NDFIP1: variants seen among roughly 807,000 people sequenced by gnomAD.
The protein encoded by NDFIP1 is Nedd4 family interacting protein 1.
NDFIP1 carries 7 observed loss-of-function variants against 28.8 expected under a neutral mutation model. That is an observed-to-expected ratio of 0.24 (90% CI 0.14 to 0.46). The LOEUF is 0.46. Among genes scored for constraint, NDFIP1 ranks in the 20% least tolerant of loss-of-function variants. The probability of loss-of-function intolerance (pLI) is 0.99; values close to 1 mark genes in which losing one functional copy is unlikely to be tolerated. For missense variants in NDFIP1, 194 were observed against 269.1 expected (o/e 0.72, Z 1.95); for synonymous variants, 92 against 101.0 (o/e 0.91, Z 0.53).
intron 6 of NDFIP1, among the ~76,000 whole-genome samples, chr5:142,141,390 A>T (rs1028210388): frequency 2.0e-5 from 3 of 151,534 alleles, no homozygotes; most frequent in Admixed American, 2.0e-4. Flanking sequence ...GTTGGCCAGG[A>T]TGGTCTCGAT....
chr5:142,132,040 C>A, intron 2 of NDFIP1, 145 bp downstream of exon 2: 1 of 1,046,410 alleles, frequency 9.6e-7, no homozygotes. Flanking sequence ...GAAGTGGATA[C>A]ATTTAAAAAT....
At chr5:142,140,663 A>T in intron 6 of NDFIP1, 34 bp downstream of exon 6, 1 of 1,534,302 alleles carries the variant, frequency 6.5e-7, no homozygotes, top group East Asian at 2.3e-5. Flanking sequence ...AGGCAAGAAA[A>T]CATTACATTA....
chr5:142,153,510 C>T lies in NDFIP1; in HGVS notation c.*1782C>T, dbSNP rs892649692. 1 of 437,444 alleles carries T rather than the reference C, an allele frequency of 2.3e-6. No homozygotes were observed. 27.1% of individuals were successfully genotyped at this position (437,444 alleles called of 1,614,324 possible). On this transcript the variant is annotated 3_prime_UTR_variant, in exon 8 of 8. Coordinates refer to ENST00000253814, the MANE Select transcript of NDFIP1 (RefSeq NM_030571.4). ...ATTGACATTTCAATGATCCCTCTAA[C>T]CAGTTTATGGATTATTATGAATAAT...
At position 142,120,753 on chromosome 5, in the gene NDFIP1, A is replaced by G. The variant is rs148826995; in HGVS notation, c.64-11055A>G. ...GTTGTGGCCTGACACATTTAATGAG[A>G]GTTGTTAAATTAACCTAGCAGTTGA... On this transcript the variant is annotated intron_variant, in intron 1 of 7. Transcript: ENST00000253814. 5.8e-3 allele frequency among the ~76,000 whole-genome samples: 884 copies of G among 152,310 alleles called. 6 individuals are homozygous for G. The highest frequency in any genetic ancestry group is 0.017 in the Middle Eastern group (5 of 294).
At chr5:142,139,022 C>T (rs1160499755) in intron 5 of NDFIP1, among the ~76,000 whole-genome samples, 1 of 151,588 alleles carries the variant, frequency 6.6e-6, no homozygotes, top group Non-Finnish European at 1.5e-5. Context: ...TCGAGACCAT[C>T]CTGGCTAACA....
Position 142,108,879 on chromosome 5 carries a change from C to A in NDFIP1, c.-96C>A. The A allele has an allele frequency of 1.8e-6, 2 of 1,112,126 alleles. No individual in the cohort carries two copies. Among genetic ancestry groups the A allele is most frequent in the Non-Finnish European group, 2.3e-6 (2 of 851,490 alleles). The allele number at this position is 1,112,126 out of a possible 1,614,324, so 68.9% of individuals were successfully genotyped here. Reference sequence around the variant, plus strand: ...CGGCCATCGAGACCCACCCAAGGCGCGTCCCCCTCGGCCTCCCAGCGCTCC... The same window carrying A: ...CGGCCATCGAGACCCACCCAAGGCGAGTCCCCCTCGGCCTCCCAGCGCTCC... On this transcript the variant is annotated 5_prime_UTR_variant, in exon 1 of 8. Transcript: ENST00000253814.
chr5:142,129,109 C>G (rs927256013), intron 1 of NDFIP1, among the ~76,000 whole-genome samples: 1 of 152,158 alleles, frequency 6.6e-6, no homozygotes, highest in African/African-American at 2.4e-5. Context: ...ATAAACCAAG[C>G]TAGGTTTAAA....
intron 1 of NDFIP1, among the ~76,000 whole-genome samples, chr5:142,128,160 C>G: frequency 6.6e-6 from 1 of 152,140 alleles, no homozygotes; most frequent in East Asian, 1.9e-4. Flanking sequence ...TGAGTATCCC[C>G]TACAACCCAG....
At chr5:142,140,730 T>TC in intron 6 of NDFIP1, 101 bp downstream of exon 6, 6 of 862,256 alleles carry the variant, frequency 7.0e-6, no homozygotes, top group Non-Finnish European at 1.1e-5. Flanking sequence ...TGTATAGTAA[T>TC]ATATTAACAA....
At chr5:142,141,425 C>T (rs1194040444) in intron 6 of NDFIP1, among the ~76,000 whole-genome samples, 6 of 151,950 alleles carry the variant, frequency 3.9e-5, no homozygotes, top group Non-Finnish European at 1.5e-5. Context: ...ATCCGCCCGC[C>T]TCGGCCTCCC....
chr5:142,140,487 A>G, intron 5 of NDFIP1, 76 bp from the exon 6 acceptor site: 1 of 1,012,782 alleles, frequency 9.9e-7, no homozygotes, highest in Non-Finnish European at 1.5e-6. Context: ...GCATTTTGTG[A>G]TTTTGTGTAC....
chr5:142,140,783 T>A (rs1484592382), intron 6 of NDFIP1, among the ~76,000 whole-genome samples, 154 bp downstream of exon 6: 3 of 152,226 alleles, frequency 2.0e-5, no homozygotes, highest in African/African-American at 7.2e-5. Flanking sequence ...TTAAAAATAG[T>A]CTTTCGTTAC....
chr5:142,147,838 G>A (rs1439943933), intron 7 of NDFIP1, among the ~76,000 whole-genome samples: 1 of 152,190 alleles, frequency 6.6e-6, no homozygotes, highest in Non-Finnish European at 1.5e-5. Context: ...CTGCTAAATT[G>A]CCTCTCTTGA....
chr5:142,124,808 C>A (rs978276579), intron 1 of NDFIP1, among the ~76,000 whole-genome samples: 1 of 149,222 alleles, frequency 6.7e-6, no homozygotes, highest in Non-Finnish European at 1.5e-5. Context: ...TTTTTTTTGG[C>A]TCCCTATGAG....
At chr5:142,117,913 C>A (rs1050001225) in intron 1 of NDFIP1, among the ~76,000 whole-genome samples, 5 of 151,924 alleles carry the variant, frequency 3.3e-5, no homozygotes, top group African/African-American at 7.3e-5. Flanking sequence ...TTTTTTCCCC[C>A]TAAGATGGGT....
chr5:142,121,906 C>A (rs558338262), intron 1 of NDFIP1, among the ~76,000 whole-genome samples: 3 of 152,320 alleles, frequency 2.0e-5, no homozygotes, highest in African/African-American at 7.2e-5. Context: ...ACTAATGTAT[C>A]CATGCTGTGC....
At chr5:142,131,476 TG>T (rs2126917589) in intron 1 of NDFIP1, among the ~76,000 whole-genome samples, 1 of 152,330 alleles carries the variant, frequency 6.6e-6, no homozygotes, top group South Asian at 2.1e-4. Flanking sequence ...GGTTTTGCCA[TG>T]TTGGCCAGGA....
At chr5:142,124,872 C>CG (rs999446392) in intron 1 of NDFIP1, among the ~76,000 whole-genome samples, 3 of 151,764 alleles carry the variant, frequency 2.0e-5, no homozygotes, top group Admixed American at 6.6e-5. Context: ...GTCGCCCAGG[C>CG]GGGAGTGCAG....
chr5:142,127,259 G>A (rs956293547), intron 1 of NDFIP1, among the ~76,000 whole-genome samples: 5 of 152,028 alleles, frequency 3.3e-5, no homozygotes, highest in African/African-American at 9.7e-5. Context: ...CAAGTGATCC[G>A]CCCACCTCAG....
Sources: gnomAD v4.1 joint callset for allele counts (sites outside exome capture counted in the v4.1 genomes callset) on GRCh38, gnomAD v4.1.1 for gene constraint, MANE v1.5 for transcripts, NCBI Gene and HGNC (gene_info 2026-07-23, HGNC 2026-07-21) for gene names.